The following RAI14 variants were observed in gnomAD, a reference collection of about 807,000 sequenced individuals.
The protein encoded by RAI14 is retinoic acid induced 14.
A neutral mutation model predicts 115.4 loss-of-function variants in RAI14; 45 were observed. The observed-to-expected ratio is 0.39, with a 90% CI of 0.31 to 0.50. The LOEUF is 0.50. Ranked by LOEUF, RAI14 falls within the 20% of genes least tolerant of loss-of-function variation. RAI14 has a pLI of 0.85. For synonymous variants in RAI14, 371 were observed against 415.4 expected, an observed-to-expected ratio of 0.89 and a Z score of 1.30; for missense variants, 939 against 1,131.2, an observed-to-expected ratio of 0.83 and a Z score of 2.44.
chr5:34,786,425 G>A (rs1752306105), intron 3 of RAI14, among the ~76,000 whole-genome samples: 1 of 152,166 alleles, frequency 6.6e-6, no homozygotes, highest in Admixed American at 6.5e-5. Context: ...AATAAGAAGG[G>A]GGTGCAGAAG....
chr5:34,788,852 C>G (rs1752613150), intron 3 of RAI14, among the ~76,000 whole-genome samples: 1 of 152,030 alleles, frequency 6.6e-6, no homozygotes, highest in South Asian at 2.1e-4. Flanking sequence ...ACCTGTAATC[C>G]CGGCTACTTG....
At chr5:34,765,494 T>A (rs1017889250) in intron 3 of RAI14, among the ~76,000 whole-genome samples, 2 of 152,214 alleles carry the variant, frequency 1.3e-5, no homozygotes, top group Non-Finnish European at 2.9e-5. Flanking sequence ...AAGAGACTGG[T>A]GGCATTTTGC....
intron 1 of RAI14, among the ~76,000 whole-genome samples, chr5:34,677,279 T>G (rs1051783488): frequency 1.5e-4 from 23 of 151,934 alleles, no homozygotes; most frequent in African/African-American, 4.6e-4. Flanking sequence ...ATTCTTTGCC[T>G]CAGCCTCCCC....
intron 3 of RAI14, among the ~76,000 whole-genome samples, chr5:34,788,147 G>A (rs868284258): frequency 6.6e-5 from 10 of 151,746 alleles, no homozygotes; most frequent in Non-Finnish European, 1.0e-4. Flanking sequence ...TTGAACTCCT[G>A]GGCTCAAGCA....
Position 34,817,254 on chromosome 5 carries a change from G to GCGCC in RAI14, c.940-1541_940-1540insCCCG, listed in dbSNP as rs1469276965. 7.7e-5 allele frequency among the ~76,000 whole-genome samples: 10 copies of GCGCC among 129,850 alleles called. No homozygotes were observed. The East Asian group carries it at 1.8e-3, about 23-fold the overall frequency. The allele number at this position is 129,850 out of a possible 152,430, so 85.2% of individuals were successfully genotyped here. On this transcript the variant is annotated intron_variant, in intron 12 of 17. Coordinates refer to ENST00000265109, the MANE Select transcript of RAI14 (RefSeq NM_015577.3). Reference sequence around the variant, plus strand: ...ATTGTGCCACTGCACTCCAGTCTGGGCGACAGACACTCCATCTCAAAAAAA... The same window carrying GCGCC: ...ATTGTGCCACTGCACTCCAGTCTGGGCGCCCGACAGACACTCCATCTCAAAAAAA...
chr5:34,750,777 A>T (rs1746869230), intron 2 of RAI14, among the ~76,000 whole-genome samples: 2 of 151,438 alleles, frequency 1.3e-5, no homozygotes, highest in Non-Finnish European at 2.9e-5. Context: ...CCTTCCTGAT[A>T]GGATGCCACA....
chr5:34,804,642 G>A (rs570150509), intron 5 of RAI14, among the ~76,000 whole-genome samples: 4 of 152,142 alleles, frequency 2.6e-5, no homozygotes, highest in African/African-American at 4.8e-5. Flanking sequence ...CTTGTCTTGC[G>A]TTACATGATG....
intron 7 of RAI14, among the ~76,000 whole-genome samples, 162 bp from the exon 8 acceptor site, chr5:34,810,850 A>G (rs954916668): frequency 6.6e-6 from 1 of 152,012 alleles, no homozygotes; most frequent in African/African-American, 2.4e-5. Context: ...CCAACATACA[A>G]TCGTGACTCT....
At chr5:34,781,191 G>A (rs966151065) in intron 3 of RAI14, among the ~76,000 whole-genome samples, 1 of 135,554 alleles carries the variant, frequency 7.4e-6, no homozygotes, top group Non-Finnish European at 1.5e-5. Context: ...TTGGACACAG[G>A]AAGGGGAACA....
At chr5:34,718,673 CAG>C (rs969155412) in intron 2 of RAI14, among the ~76,000 whole-genome samples, 4 of 152,198 alleles carry the variant, frequency 2.6e-5, no homozygotes, top group African/African-American at 7.2e-5. Context: ...TTGGGTCAGG[CAG>C]AGAGGGGATC....
intron 8 of RAI14, 138 bp from the exon 9 acceptor site, chr5:34,811,629 C>A: frequency 2.9e-6 from 2 of 700,520 alleles, no homozygotes; most frequent in Admixed American, 3.6e-5. Flanking sequence ...CATTCCACTT[C>A]GAATTCCCTG....
Position 34,757,744 on chromosome 5 carries a change from C to T in RAI14, c.167+146C>T, listed in dbSNP as rs1179252296. On this transcript the variant is annotated intron_variant, in intron 3 of 17. Transcript: ENST00000265109. ...TGTAAGAAGATATTTTAATCTAGTG[C>T]CTTTCTCTCCAAATTCCAAGTCACA... 6 of 1,079,040 alleles carry T rather than the reference C, an allele frequency of 5.6e-6. No homozygotes were observed. In the East Asian group the frequency reaches 1.7e-4, roughly 31 times the overall value. The allele number at this position is 1,079,040 out of a possible 1,614,324, so 66.8% of individuals were successfully genotyped here.
At position 34,768,988 on chromosome 5, in the gene RAI14, C is replaced by CAA. The variant is rs34926209; in HGVS notation, c.167+11402_167+11403dup. ...TGGATGACAGAGTGAGACCCAGTCT[C>CAA]AAAAAAAAAAAAAGGATGAGGGGTG... is the stretch of plus-strand genomic sequence containing the variant. On this transcript the variant is annotated intron_variant, in intron 3 of 17. Transcript: ENST00000265109. Among the ~76,000 whole-genome samples, 307 of 132,184 alleles carry CAA rather than the reference C, an allele frequency of 2.3e-3. 2 individuals carry two copies. The highest frequency in any genetic ancestry group is 7.9e-3 in the African/African-American group (284 of 36,128). 86.7% of individuals were successfully genotyped at this position (132,184 alleles called of 152,430 possible). A position where few individuals can be genotyped will look rare whatever the true frequency, so the allele number is the denominator to read the frequency against.
At chr5:34,748,009 C>A (rs1173613003) in intron 2 of RAI14, among the ~76,000 whole-genome samples, 4 of 152,182 alleles carry the variant, frequency 2.6e-5, no homozygotes, top group Admixed American at 2.6e-4. Context: ...GAGAACTAAC[C>A]TGGTCCTGGT....
At chr5:34,820,129 G>C (rs1756673870) in intron 13 of RAI14, among the ~76,000 whole-genome samples, 1 of 152,162 alleles carries the variant, frequency 6.6e-6, no homozygotes, top group South Asian at 2.1e-4. Context: ...GAGAAGCAAG[G>C]ATTTCTATAA....
intron 2 of RAI14, among the ~76,000 whole-genome samples, chr5:34,735,919 TCA>T (rs1240600138): frequency 6.6e-6 from 1 of 152,232 alleles, no homozygotes. Flanking sequence ...TCATAGGACC[TCA>T]CAGAGTGCAG....
intron 3 of RAI14, among the ~76,000 whole-genome samples, chr5:34,794,573 G>GA (rs1406590939): frequency 6.6e-6 from 1 of 152,204 alleles, no homozygotes; most frequent in African/African-American, 2.4e-5. Context: ...ATAGTTGCGT[G>GA]AGTAGAGCCA....
chr5:34,689,521 T>C (rs898778555), intron 2 of RAI14, among the ~76,000 whole-genome samples: 11 of 152,234 alleles, frequency 7.2e-5, no homozygotes, highest in Non-Finnish European at 1.6e-4. Context: ...GATTCCTCAC[T>C]AGAAAAGTGG....
At chr5:34,789,229 T>C (rs1278563935) in intron 3 of RAI14, among the ~76,000 whole-genome samples, 1 of 152,146 alleles carries the variant, frequency 6.6e-6, no homozygotes, top group Non-Finnish European at 1.5e-5. Flanking sequence ...CCCTTGAGGA[T>C]GCTGACATTT....
Sources: gnomAD v4.1 joint callset for allele counts (sites outside exome capture counted in the v4.1 genomes callset) on GRCh38, gnomAD v4.1.1 for gene constraint, MANE v1.5 for transcripts, NCBI Gene and HGNC (gene_info 2026-07-23, HGNC 2026-07-21) for gene names.